CTNNA2: variants seen among roughly 807,000 people sequenced by gnomAD.
The protein encoded by CTNNA2 is catenin alpha 2, also known as catenin alpha-2.
Under a neutral mutation model 101.0 loss-of-function variants are expected in CTNNA2, and 42 were observed. The ratio of observed to expected loss-of-function variants is 0.42; its 90% CI spans 0.32 to 0.54. CTNNA2 has a LOEUF of 0.54. Ranked by LOEUF, CTNNA2 falls within the 20% of genes least tolerant of loss-of-function variation. The pLI, the probability that CTNNA2 is intolerant of heterozygous loss-of-function variation, is 0.14. For missense variants in CTNNA2, 871 were observed against 1,223.1 expected (o/e 0.71, Z 4.29); for synonymous variants, 450 against 456.4 (o/e 0.99, Z 0.18).
chr2:79,654,599 G>T (rs1681478830), intron 2 of CTNNA2, among the ~76,000 whole-genome samples: 1 of 152,144 alleles, frequency 6.6e-6, no homozygotes, highest in African/African-American at 2.4e-5. Context: ...ATATATTCCA[G>T]GATAATCTCT....
intron 15 of CTNNA2, among the ~76,000 whole-genome samples, chr2:80,590,447 G>C (rs956098717): frequency 9.2e-6 from 1 of 108,198 alleles, no homozygotes; most frequent in African/African-American, 3.7e-5. Context: ...TTTTTTTCTG[G>C]AAAACACACA....
intron 9 of CTNNA2, among the ~76,000 whole-genome samples, chr2:80,511,457 A>T (rs1027714128): frequency 6.6e-6 from 1 of 152,120 alleles, no homozygotes; most frequent in African/African-American, 2.4e-5. Flanking sequence ...TACAACTTCT[A>T]TCCCAGTGTA....
chr2:79,896,641 T>G (rs1322865390), intron 6 of CTNNA2, among the ~76,000 whole-genome samples: 1 of 152,188 alleles, frequency 6.6e-6, no homozygotes, highest in Non-Finnish European at 1.5e-5. Flanking sequence ...GTGATCTGTT[T>G]CTCTCACACA....
intron 11 of CTNNA2, among the ~76,000 whole-genome samples, chr2:80,547,064 A>G (rs1380534959): frequency 6.6e-6 from 1 of 152,210 alleles, no homozygotes; most frequent in African/African-American, 2.4e-5. Context: ...TCTGACTGCA[A>G]CAGTGTGGAA....
At chr2:79,459,012 G>C (rs1016086917) in intron 4 of CTNNA2, among the ~76,000 whole-genome samples, 2 of 151,958 alleles carry the variant, frequency 1.3e-5, no homozygotes, top group African/African-American at 4.8e-5. Context: ...AAACGATTGG[G>C]CTTTTATGCA....
intron 4 of CTNNA2, among the ~76,000 whole-genome samples, chr2:79,476,558 C>T (rs1671053522): frequency 6.6e-6 from 1 of 152,148 alleles, no homozygotes; most frequent in Non-Finnish European, 1.5e-5. Context: ...GGGGACAAAA[C>T]ATGACTGGTA....
At chr2:80,358,525 A>AT in intron 7 of CTNNA2, among the ~76,000 whole-genome samples, 1 of 151,446 alleles carries the variant, frequency 6.6e-6, no homozygotes. Context: ...TAATTTTTGT[A>AT]TTTTTAGTAG....
At chr2:79,705,537 C>T (rs370493757) in intron 2 of CTNNA2, among the ~76,000 whole-genome samples, 2 of 152,120 alleles carry the variant, frequency 1.3e-5, no homozygotes, top group African/African-American at 4.8e-5. Context: ...TGTATAAACT[C>T]AGGAGTTTTT....
At chr2:79,921,858 T>C (rs1000015504) in intron 7 of CTNNA2, among the ~76,000 whole-genome samples, 5 of 152,142 alleles carry the variant, frequency 3.3e-5, no homozygotes, top group African/African-American at 4.8e-5. Context: ...GGAAGGAGCA[T>C]TTTGCCCGAC....
chr2:80,289,812 G>C (rs1222838911), intron 7 of CTNNA2, among the ~76,000 whole-genome samples: 1 of 152,070 alleles, frequency 6.6e-6, no homozygotes, highest in East Asian at 1.9e-4. Context: ...CTGACAGGAG[G>C]GACTTCTTCC....
rs1375251362 is a variant in CTNNA2 at position 79,869,957 on chromosome 2, C to G, written c.585+22C>G. ...ACAGGTGGGAAAGATTTTAGAAATGCTAGGGGAGAAAATGGGTGAGTTTAA... is the reference window on the plus strand; with the variant it reads ...ACAGGTGGGAAAGATTTTAGAAATGGTAGGGGAGAAAATGGGTGAGTTTAA... On this transcript the variant is annotated intron_variant, in intron 5 of 18. Transcript: ENST00000402739. 3.7e-6 allele frequency: 6 copies of G among 1,611,114 alleles called. No homozygotes were observed. In the South Asian group the frequency reaches 4.4e-5, roughly 12 times the overall value.
intron 9 of CTNNA2, among the ~76,000 whole-genome samples, chr2:80,486,908 G>C (rs1437544778): frequency 6.6e-6 from 1 of 152,212 alleles, no homozygotes; most frequent in African/African-American, 2.4e-5. Flanking sequence ...ATTGTGTGTA[G>C]TGCTTGTTTA....
In CTNNA2 at chr2:79,744,466, C is replaced by T; in HGVS notation, c.182C>T (p.Ala61Val). ...KGRSKKAHVL[A>V]ASVEQATQNF... ...AGGTCAAAGAAAGCCCATGTACTAG[C>T]TGCCTCTGTAGAGCAAGCCACTCAG... The change falls in exon 3 of 19, where the codon GCT becomes GTT. Residue 61 changes from alanine (A) to valine (V), a missense_variant. Physicochemically the swap from Ala to Val is moderately conservative, Grantham distance 64 (BLOSUM62 0). Transcript: ENST00000402739. 6.2e-7 allele frequency: 1 copy of T among 1,614,134 alleles called. No homozygotes were observed. Among genetic ancestry groups the T allele is most frequent in the Non-Finnish European group, 8.5e-7 (1 of 1,180,010 alleles).
intron 1 of CTNNA2, among the ~76,000 whole-genome samples, chr2:79,628,362 A>G (rs1423572663): frequency 6.6e-6 from 1 of 151,936 alleles, no homozygotes; most frequent in East Asian, 1.9e-4. Context: ...CTTAGGCAGG[A>G]GAATCGCCTG....
chr2:79,391,336 G>A (rs975705593), intron 4 of CTNNA2, among the ~76,000 whole-genome samples: 3 of 152,094 alleles, frequency 2.0e-5, no homozygotes, highest in African/African-American at 7.2e-5. Flanking sequence ...CCTTTATCAT[G>A]ATCCACTTCC....
intron 4 of CTNNA2, among the ~76,000 whole-genome samples, chr2:79,453,468 T>A (rs1670779387): frequency 6.6e-6 from 1 of 152,146 alleles, no homozygotes; most frequent in Admixed American, 6.5e-5. Flanking sequence ...GTTAAAAATT[T>A]GTGCCAACAG....
At chr2:80,469,965 A>G (rs921690259) in intron 9 of CTNNA2, among the ~76,000 whole-genome samples, 3 of 152,184 alleles carry the variant, frequency 2.0e-5, no homozygotes, top group African/African-American at 4.8e-5. Context: ...GGCAATAGCA[A>G]TATAACCCTA....
At chr2:80,493,566 A>G (rs779135683) in intron 9 of CTNNA2, among the ~76,000 whole-genome samples, 2 of 152,278 alleles carry the variant, frequency 1.3e-5, no homozygotes, top group East Asian at 1.9e-4. Flanking sequence ...TAATAAGTGG[A>G]CTTTTTTGAG....
At chr2:80,126,668 C>CTTCCTTCT (rs1702151637) in intron 7 of CTNNA2, among the ~76,000 whole-genome samples, 1 of 138,142 alleles carries the variant, frequency 7.2e-6, no homozygotes, top group African/African-American at 2.7e-5. Flanking sequence ...TCCTTCCTTC[C>CTTCCTTCT]TCACTCCCTC....
Sources: gnomAD v4.1 joint callset for allele counts (sites outside exome capture counted in the v4.1 genomes callset) on GRCh38, gnomAD v4.1.1 for gene constraint, MANE v1.5 for transcripts, NCBI Gene and HGNC (gene_info 2026-07-23, HGNC 2026-07-21) for gene names.